The following WDR59 variants were observed in gnomAD, a reference collection of about 807,000 sequenced individuals.
WDR59 encodes WD repeat domain 59, also known as GATOR2 complex protein WDR59.
A neutral mutation model predicts 131.2 loss-of-function variants in WDR59; 100 were observed. The observed-to-expected ratio is 0.76, with a 90% CI of 0.65 to 0.90. WDR59 has a LOEUF of 0.90. Ranked by LOEUF, WDR59 falls within the 40% of genes least tolerant of loss-of-function variation. The pLI, the probability that WDR59 is intolerant of heterozygous loss-of-function variation, is 0.00. For synonymous variants in WDR59, 601 were observed against 466.2 expected (o/e 1.29, Z -3.72); for missense variants, 1,203 against 1,262.2 (o/e 0.95, Z 0.71).
chr16:74,974,143 A>G (rs956179756), intron 1 of WDR59, among the ~76,000 whole-genome samples: 1 of 152,168 alleles, frequency 6.6e-6, no homozygotes, highest in African/African-American at 2.4e-5. Flanking sequence ...GCACTCCAAC[A>G]TGGGCGAAAA....
intron 4 of WDR59, among the ~76,000 whole-genome samples, chr16:74,950,691 G>A (rs994729544): frequency 6.6e-5 from 10 of 151,922 alleles, no homozygotes; most frequent in East Asian, 1.9e-4. Context: ...TGGAAGCCTC[G>A]ACTGGGAGGC....
intron 4 of WDR59, chr16:74,950,072 C>T (rs923880045): frequency 1.4e-4 from 63 of 442,644 alleles, no homozygotes; most frequent in African/African-American, 1.2e-3. Context: ...CTGAGCGCAG[C>T]GGCTCACGAC....
At chr16:74,967,178 G>GT (rs1269906330) in intron 1 of WDR59, among the ~76,000 whole-genome samples, 2 of 152,138 alleles carry the variant, frequency 1.3e-5, no homozygotes, top group African/African-American at 4.8e-5. Context: ...AACATCACAA[G>GT]TAACATTGGG....
At chr16:74,957,608 C>T (rs910303421) in intron 2 of WDR59, among the ~76,000 whole-genome samples, 3 of 152,024 alleles carry the variant, frequency 2.0e-5, no homozygotes, top group Admixed American at 2.0e-4. Context: ...TATGAAGTGC[C>T]AGTAATGTTT....
chr16:74,909,018 G>C (rs1401206309), intron 16 of WDR59, 41 bp from the exon 17 acceptor site: 1 of 1,576,218 alleles, frequency 6.3e-7, no homozygotes, highest in Admixed American at 1.7e-5. Context: ...GTGTCAACAA[G>C]CTGGCCGTGG....
intron 21 of WDR59, among the ~76,000 whole-genome samples, chr16:74,889,218 A>G (rs1964922226): frequency 1.3e-5 from 2 of 152,222 alleles, no homozygotes; most frequent in Admixed American, 6.5e-5. Flanking sequence ...ATTATTTTGT[A>G]TAGTATACCC....
At chr16:74,979,359 G>A (rs1021079963) in intron 1 of WDR59, among the ~76,000 whole-genome samples, 33 of 151,554 alleles carry the variant, frequency 2.2e-4, no homozygotes, top group African/African-American at 4.1e-4. Context: ...CCAGCTACTC[G>A]GGAGGCTGAG....
intron 8 of WDR59, among the ~76,000 whole-genome samples, chr16:74,928,651 C>T (rs1241361555): frequency 6.6e-6 from 1 of 152,074 alleles, no homozygotes; most frequent in Non-Finnish European, 1.5e-5. Context: ...CCTGTAATCC[C>T]AGCACTTTGG....
chr16:74,924,359 G>A (rs1480978818), intron 8 of WDR59, among the ~76,000 whole-genome samples: 1 of 152,180 alleles, frequency 6.6e-6, no homozygotes, highest in Non-Finnish European at 1.5e-5. Flanking sequence ...GAGCTGAAGT[G>A]TCCTGACTAC....
At chr16:74,949,909 G>A (rs755810155) in intron 4 of WDR59, 111 bp from the exon 5 acceptor site, 2 of 940,094 alleles carry the variant, frequency 2.1e-6, no homozygotes, top group East Asian at 5.4e-5. Context: ...TCATTAACGG[G>A]CTTCTTAATG....
At chr16:74,907,800 G>C (rs1965890824) in intron 17 of WDR59, among the ~76,000 whole-genome samples, 1 of 152,112 alleles carries the variant, frequency 6.6e-6, no homozygotes, top group Admixed American at 6.5e-5. Context: ...TGTACCAGGT[G>C]GTGTTTTAAA....
rs1387627900 is a variant in WDR59, at chr16:74,904,049, C to A, written c.1764G>T (p.Lys588Asn). The change falls in exon 18 of 26, where the codon AAG becomes AAT. Residue 588 changes from lysine (K) to asparagine (N), a missense_variant. Transcript: ENST00000262144. ...GGTTCCCAGGGGCCTCTGTGCGGATCTTCATGGGCGCGATCAAGCCAGTGT... is the reference window on the plus strand; with the variant it reads ...GGTTCCCAGGGGCCTCTGTGCGGATATTCATGGGCGCGATCAAGCCAGTGT... ...AYHTGLIAPM[K>N]IRTEAPGNLR... 2 of 1,613,222 alleles carry A rather than the reference C, an allele frequency of 1.2e-6. No individual in the cohort carries two copies. Among genetic ancestry groups the A allele is most frequent in the Admixed American group, 3.3e-5 (2 of 59,924 alleles).
At chr16:74,932,105 T>C (rs867810866) in intron 8 of WDR59, among the ~76,000 whole-genome samples, 5 of 150,868 alleles carry the variant, frequency 3.3e-5, no homozygotes, top group Admixed American at 6.6e-5. Context: ...TATTTATTTA[T>C]TTTTTTAAGA....
chr16:74,884,628 G>C (rs889344043), intron 25 of WDR59, among the ~76,000 whole-genome samples: 4 of 152,192 alleles, frequency 2.6e-5, no homozygotes, highest in Non-Finnish European at 4.4e-5. Flanking sequence ...GATTACAGGC[G>C]TAAGTCACCA....
chr16:74,977,547 G>C (rs2034236883), intron 1 of WDR59, among the ~76,000 whole-genome samples: 1 of 152,096 alleles, frequency 6.6e-6, no homozygotes, highest in Non-Finnish European at 1.5e-5. Flanking sequence ...AAATAGCAGG[G>C]TGTGGTGGCG....
rs1435642505 is a variant in WDR59, at chr16:74,874,173, C to T, written c.*36G>A. The T allele has an allele frequency of 3.8e-6, 6 of 1,565,648 alleles. No individual in the cohort carries two copies. The East Asian group carries it at 9.2e-5, about 24-fold the overall frequency. On this transcript the variant is annotated 3_prime_UTR_variant, in exon 26 of 26. Transcript: ENST00000262144. ...AGCTTGTCACCGGCACTTATGGGTC[C>T]TCTGGGATTTCAGACAATACCCAAC...
At chr16:74,893,372 G>C (rs117563663) in intron 19 of WDR59, among the ~76,000 whole-genome samples, 5 of 152,256 alleles carry the variant, frequency 3.3e-5, no homozygotes, top group Non-Finnish European at 4.4e-5. Context: ...GAACAAGCTT[G>C]GAAGAGGAGC....
At chr16:74,889,505 A>T (rs1964936268) in intron 21 of WDR59, among the ~76,000 whole-genome samples, 198 bp downstream of exon 21, 1 of 152,196 alleles carries the variant, frequency 6.6e-6, no homozygotes. Context: ...GTTATAAATG[A>T]CAAGTAATGT....
chr16:74,912,177 T>C (rs1966126596), intron 14 of WDR59, 21 bp downstream of exon 14: 1 of 1,614,104 alleles, frequency 6.2e-7, no homozygotes, highest in Non-Finnish European at 8.5e-7. Context: ...GCAAGGAGAA[T>C]TTGGGAACCC....
Sources: gnomAD v4.1 joint callset for allele counts (sites outside exome capture counted in the v4.1 genomes callset) on GRCh38, gnomAD v4.1.1 for gene constraint, MANE v1.5 for transcripts, NCBI Gene and HGNC (gene_info 2026-07-23, HGNC 2026-07-21) for gene names.